The following PLEKHM2 variants were observed in gnomAD, a reference collection of about 807,000 sequenced individuals.
PLEKHM2 encodes the protein pleckstrin homology and RUN domain containing M2.
In PLEKHM2, 77 loss-of-function variants were observed where a neutral mutation model predicts 116.3. That is an observed-to-expected ratio of 0.66 (90% CI 0.55 to 0.80). The LOEUF (loss-of-function observed/expected upper bound fraction) is 0.80. Among genes scored for constraint, PLEKHM2 ranks in the 30% least tolerant of loss-of-function variants. PLEKHM2 has a pLI of 0.00. For missense variants in PLEKHM2, 1,183 were observed against 1,354.9 expected, an observed-to-expected ratio of 0.87 and a Z score of 1.99; for synonymous variants, 562 against 571.0, an observed-to-expected ratio of 0.98 and a Z score of 0.22.
At chr1:15,691,281 A>T (rs920941411) in intron 1 of PLEKHM2, among the ~76,000 whole-genome samples, 1 of 152,192 alleles carries the variant, frequency 6.6e-6, no homozygotes, top group African/African-American at 2.4e-5. Flanking sequence ...TATGTTGCCC[A>T]GGTTGGTCTC....
chr1:15,684,697 G>GGCGACCCTGCTGCCGCGGGGACTC, intron 1 of PLEKHM2, 79 bp downstream of exon 1: 3 of 795,234 alleles, frequency 3.8e-6, no homozygotes, highest in Non-Finnish European at 3.3e-6. Context: ...CTCCCGGGCC[G>GGCGACCCTGCTGCCGCGGGGACTC]GGGCCCCCCG....
rs1641507092 is a variant in PLEKHM2 at position 15,719,107 on chromosome 1, C to T, written c.465+482C>T. On this transcript the variant is annotated intron_variant, in intron 5 of 19. Transcript: ENST00000375799. This position sits in a 1 kb window ranked among gnomAD's most constrained non-coding sequence, Gnocchi z 4.1. ...ATAGAGCCAAAGAGGCTCCCAGGCA[C>T]CTCTTGGACTGGGCTCAAAATGGAT... Among the ~76,000 whole-genome samples, 1 of 152,124 alleles carries T rather than the reference C, an allele frequency of 6.6e-6. No homozygotes were observed. Among genetic ancestry groups the T allele is most frequent in the Non-Finnish European group, 1.5e-5 (1 of 68,020 alleles).
chr1:15,693,042 CT>C (rs922212762), intron 1 of PLEKHM2, among the ~76,000 whole-genome samples: 816 of 126,858 alleles, frequency 6.4e-3, no homozygotes, highest in African/African-American at 0.011. Context: ...CCTAGCCACA[CT>C]TTTTTTTTTT....
intron 1 of PLEKHM2, among the ~76,000 whole-genome samples, chr1:15,711,061 T>G (rs997467543): frequency 2.6e-5 from 4 of 151,618 alleles, no homozygotes; most frequent in Non-Finnish European, 5.9e-5. Context: ...TATATAAAGA[T>G]CTAAACATAA....
chr1:15,725,335 C>T lies in PLEKHM2; in HGVS notation c.731C>T (p.Thr244Met), dbSNP rs902177780. Reference protein sequence around the residue: ...TDWEDGDLTDTVSGPRSTASD... With the variant: ...TDWEDGDLTDMVSGPRSTASD... ...CTCCCAGATGGAGACCTCACAGACA[C>T]GGTCAGTGGTCCCCGCTCCACAGCC... Residue 244 changes from threonine (T) to methionine (M), a missense_variant, in exon 8 of 20, where the codon ACG becomes ATG. This residue lies in a region of PLEKHM2 where 372 missense variants were observed against 357.2 expected (regional missense o/e 1.04). Coordinates refer to ENST00000375799, the MANE Select transcript of PLEKHM2 (RefSeq NM_015164.4). 1.7e-5 allele frequency: 27 copies of T among 1,550,726 alleles called. No individual in the cohort carries two copies. In the African/African-American group the frequency reaches 1.9e-4, roughly 11 times the overall value.
At position 15,709,531 on chromosome 1, in the gene PLEKHM2, G is replaced by A. The variant is rs76881529; in HGVS notation, c.61-6706G>A. Among the ~76,000 whole-genome samples the A allele has an allele frequency of 8.1e-3, 1,239 of 152,178 alleles. 14 individuals are homozygous for A. Among genetic ancestry groups the A allele is most frequent in the African/African-American group, 0.027 (1,129 of 41,514 alleles). On this transcript the variant is annotated intron_variant, in intron 1 of 19. Transcript: ENST00000375799. ...TTGGACAGCTCAGGTCTAAATAGTC[G>A]TTTTATAACCCATTTTGCAGATGAG...
intron 1 of PLEKHM2, among the ~76,000 whole-genome samples, chr1:15,700,397 C>G (rs1641086658): frequency 6.6e-6 from 1 of 152,134 alleles, no homozygotes; most frequent in Admixed American, 6.6e-5. Flanking sequence ...GTGAGCACAC[C>G]TGGCCAAGAC....
chr1:15,718,682 G>C, intron 5 of PLEKHM2, 57 bp downstream of exon 5: 1 of 585,968 alleles, frequency 1.7e-6, no homozygotes, highest in Non-Finnish European at 3.2e-6. Context: ...CAGGGTGGGG[G>C]CAGGGTGGGC....
rs926016340 is a variant in PLEKHM2 at position 15,721,532 on chromosome 1, G to T, written c.712+144G>T. The T allele has an allele frequency of 3.4e-6, 2 of 580,578 alleles. No homozygotes were observed. The highest frequency in any genetic ancestry group is 6.2e-5 in the Admixed American group (2 of 32,474). 36.0% of individuals were successfully genotyped at this position (580,578 alleles called of 1,614,324 possible). A position where few individuals can be genotyped will look rare whatever the true frequency, so the allele number is the denominator to read the frequency against. ...GCCAAGTTTGGTGTTCTAATAGATG[G>T]AATTCTGCAGTGGGAAAACTCAACC... On this transcript the variant is annotated intron_variant, in intron 7 of 19. Transcript: ENST00000375799. This position sits in a 1 kb window ranked among gnomAD's most constrained non-coding sequence, Gnocchi z 5.1.
Position 15,731,933 on chromosome 1 carries a change from G to A in PLEKHM2, c.2510G>A (p.Arg837Gln), listed in dbSNP as rs1325122392. ...TGCCGGAGAGCCAACACCACGGATC[G>A]GCCCCACGCCTTCCAGGTCATTCTC... ...GGCRRANTTD[R>Q]PHAFQVILSD... Residue 837 changes from arginine (R) to glutamine (Q), a missense_variant, in exon 17 of 20, where the codon CGG becomes CAG. Transcript: ENST00000375799. 18 of 1,611,384 alleles carry A rather than the reference G, an allele frequency of 1.1e-5. No homozygotes were observed. Among genetic ancestry groups the A allele is most frequent in the East Asian group, 2.2e-5 (1 of 44,860 alleles).
At chr1:15,715,706 G>A (rs112285837) in intron 1 of PLEKHM2, among the ~76,000 whole-genome samples, 1,703 of 152,220 alleles carry the variant, frequency 0.011, 11 homozygotes, top group Non-Finnish European at 0.02. Flanking sequence ...GGGAAAAATG[G>A]GAAACTATAA....
intron 3 of PLEKHM2, 70 bp from the exon 4 acceptor site, chr1:15,717,823 G>T: frequency 1.0e-6 from 1 of 974,924 alleles, no homozygotes; most frequent in Non-Finnish European, 1.6e-6. Context: ...TCCTTTCTGC[G>T]CTTGCTTGGC....
rs771800434 is a variant in PLEKHM2 at position 15,716,272 on chromosome 1, C to G, written c.96C>G (p.Ile32Met). Residue 32 changes from isoleucine (I) to methionine (M), a missense_variant, in exon 2 of 20, where the codon ATC becomes ATG. Physicochemically the swap from Ile to Met is conservative, Grantham distance 10. Transcript: ENST00000375799. ...QSYFAACEDE[I>M]PAIRNHDKVL... ...ATTTTGCTGCATGTGAGGATGAGATCCCTGCCATCCGGAACCATGACAAGG... is the reference window on the plus strand; with the variant it reads ...ATTTTGCTGCATGTGAGGATGAGATGCCTGCCATCCGGAACCATGACAAGG... 1.7e-5 allele frequency: 27 copies of G among 1,605,548 alleles called. No individual in the cohort carries two copies. In the South Asian group the frequency reaches 2.9e-4, roughly 17 times the overall value.
At chr1:15,694,172 T>C (rs1640942951) in intron 1 of PLEKHM2, among the ~76,000 whole-genome samples, 1 of 151,882 alleles carries the variant, frequency 6.6e-6, no homozygotes, top group Admixed American at 6.6e-5. Context: ...ACCAACATGG[T>C]GAAACCCCGT....
At chr1:15,689,087 A>G (rs61782444) in intron 1 of PLEKHM2, among the ~76,000 whole-genome samples, 9,589 of 151,920 alleles carry the variant, frequency 0.063, 451 homozygotes, top group Middle Eastern at 0.12. Flanking sequence ...CATCTCTATT[A>G]AAAATACAAA....
rs1009360262 is a variant in PLEKHM2 at position 15,708,023 on chromosome 1, T to C, written c.61-8214T>C. Among the ~76,000 whole-genome samples the C allele has an allele frequency of 1.5e-4, 23 of 152,128 alleles. No individual in the cohort carries two copies. The South Asian group carries it at 2.5e-3, about 16-fold the overall frequency. Reference sequence around the variant, plus strand: ...CCTCAGCCTCCCGAGTAGCTGAGATTACAGGCACCCACCACTATTCCCAGC... The same window carrying C: ...CCTCAGCCTCCCGAGTAGCTGAGATCACAGGCACCCACCACTATTCCCAGC... On this transcript the variant is annotated intron_variant, in intron 1 of 19. Coordinates refer to ENST00000375799, the MANE Select transcript of PLEKHM2 (RefSeq NM_015164.4).
At chr1:15,702,342 G>A (rs1641131907) in intron 1 of PLEKHM2, among the ~76,000 whole-genome samples, 1 of 152,172 alleles carries the variant, frequency 6.6e-6, no homozygotes, top group African/African-American at 2.4e-5. Context: ...TTTAGCTGTG[G>A]CCATCGTGGA....
intron 1 of PLEKHM2, among the ~76,000 whole-genome samples, chr1:15,685,265 C>G (rs562462904): frequency 6.6e-6 from 1 of 152,324 alleles, no homozygotes; most frequent in African/African-American, 2.4e-5. Context: ...GTAAACATCA[C>G]TGTCCCAATT....
chr1:15,732,594 G>A lies in PLEKHM2; in HGVS notation c.2806-18G>A, dbSNP rs553991723. ...AGGAAAGCTCTGGCTGCTCACCCGG[G>A]GGCCTGGCTCTCCCTAGGAGTTCTC... is the stretch of plus-strand genomic sequence containing the variant. On this transcript the variant is annotated intron_variant, in intron 18 of 19. Transcript: ENST00000375799. The A allele has an allele frequency of 6.3e-7, 1 of 1,598,142 alleles. No homozygotes were observed. The highest frequency in any genetic ancestry group is 1.1e-5 in the South Asian group (1 of 88,964).
Sources: allele counts gnomAD v4.1 joint callset (sites outside exome capture counted in the v4.1 genomes callset), GRCh38; gene constraint gnomAD v4.1.1; regional missense constraint gnomAD v4.1.1; non-coding constraint Gnocchi (gnomAD v3.1); transcripts MANE v1.5; gene names NCBI Gene and HGNC (gene_info 2026-07-23, HGNC 2026-07-21).